Variants in WDFY3 observed in about 807,000 individuals in gnomAD.
The protein encoded by WDFY3 is WD repeat and FYVE domain-containing protein 3.
In WDFY3, 66 loss-of-function variants were observed where a neutral mutation model predicts 409.6. That is an observed-to-expected ratio of 0.16 (90% CI 0.13 to 0.20). WDFY3 has a LOEUF of 0.20. Among genes scored for constraint, WDFY3 ranks in the 10% least tolerant of loss-of-function variants. WDFY3 has a pLI of 1.00. For missense variants in WDFY3, 3,031 were observed against 4,298.1 expected, an observed-to-expected ratio of 0.71 and a Z score of 8.24; for synonymous variants, 1,521 against 1,537.1, an observed-to-expected ratio of 0.99 and a Z score of 0.25.
In WDFY3 at chr4:84,794,694, G is replaced by A. The variant is rs1275621159; in HGVS notation, c.3312C>T (p.Ser1104=). Residue 1104 remains serine (S), a synonymous_variant, in exon 21 of 68, where the codon AGC becomes AGT. Transcript: ENST00000295888. ...AACTAAAATGTTCAATACAAAACCA[G>A]CTAGAGTAACTTAAGCCGGAGGGAG... ...FPPPSGLSYS[S]WFCIEHFSSP... The A allele has an allele frequency of 2.5e-6, 4 of 1,613,724 alleles. No homozygotes were observed. In the East Asian group the frequency reaches 8.9e-5, roughly 36 times the overall value.
intron 67 of WDFY3, among the ~76,000 whole-genome samples, chr4:84,674,873 A>G (rs1004033298): frequency 6.6e-6 from 1 of 151,808 alleles, no homozygotes; most frequent in Non-Finnish European, 1.5e-5. Flanking sequence ...GTCTCAAAAA[A>G]AATAAAAATA....
intron 3 of WDFY3, among the ~76,000 whole-genome samples, chr4:84,877,452 G>C (rs1002260626): frequency 1.3e-5 from 2 of 151,958 alleles, no homozygotes; most frequent in Admixed American, 1.3e-4. Flanking sequence ...TCCCACCTCA[G>C]ACTCCCAGCT....
At chr4:84,796,844 TC>T in intron 18 of WDFY3, 92 bp from the exon 19 acceptor site, 1 of 1,035,028 alleles carries the variant, frequency 9.7e-7, no homozygotes, top group Non-Finnish European at 1.4e-6. Flanking sequence ...CACTTCAGTT[TC>T]AATAGACAAT....
chr4:84,754,088 T>C (rs1294970296), intron 34 of WDFY3, among the ~76,000 whole-genome samples: 1 of 152,084 alleles, frequency 6.6e-6, no homozygotes, highest in Non-Finnish European at 1.5e-5. Flanking sequence ...TAGAAACTGA[T>C]AGGATCATTG....
chr4:84,779,255 C>T (rs1356796067), intron 26 of WDFY3, among the ~76,000 whole-genome samples: 1 of 152,092 alleles, frequency 6.6e-6, no homozygotes, highest in Non-Finnish European at 1.5e-5. Context: ...ATAATTAAAT[C>T]TATACAACAC....
rs1421774680 is a variant in WDFY3, at chr4:84,670,393, T to C, written c.*2475A>G. 2 of 152,630 alleles carry C rather than the reference T, an allele frequency of 1.3e-5. No individual in the cohort carries two copies. The highest frequency in any genetic ancestry group is 2.4e-5 in the African/African-American group (1 of 41,456). The allele number at this position is 152,630 out of a possible 1,614,324, so 9.5% of individuals were successfully genotyped here. A position where few individuals can be genotyped will look rare whatever the true frequency, so the allele number is the denominator to read the frequency against. ...GAAATAATTAGTTTATGTATGTGAG[T>C]GTACTTGTATGTGTGAGTGATTCTG... is the stretch of plus-strand genomic sequence containing the variant. On this transcript the variant is annotated 3_prime_UTR_variant, in exon 68 of 68. Coordinates refer to ENST00000295888, the MANE Select transcript of WDFY3 (RefSeq NM_014991.6).
At chr4:84,765,592 C>T (rs1743491606) in intron 32 of WDFY3, among the ~76,000 whole-genome samples, 1 of 152,086 alleles carries the variant, frequency 6.6e-6, no homozygotes, top group Admixed American at 6.6e-5. Context: ...GAGGAATTCC[C>T]TGAGTTTTCA....
intron 3 of WDFY3, among the ~76,000 whole-genome samples, chr4:84,868,439 T>G (rs1042148451): frequency 3.9e-5 from 6 of 152,044 alleles, no homozygotes; most frequent in Non-Finnish European, 5.9e-5. Context: ...AATTTAAAAT[T>G]TCTACCTTCT....
At chr4:84,824,969 G>C (rs1284417561) in intron 10 of WDFY3, among the ~76,000 whole-genome samples, 2 of 152,098 alleles carry the variant, frequency 1.3e-5, no homozygotes, top group Non-Finnish European at 2.9e-5. Flanking sequence ...GTTTAGAAAA[G>C]TTAGGTCACT....
rs564386745 is a variant in WDFY3, at chr4:84,717,120, G to A, written c.7755-104C>T. ...TTAAACACATGAACAGGATGGAGGAGTAATATATATCAGAATTTTCAGTTA... is the reference window on the plus strand; with the variant it reads ...TTAAACACATGAACAGGATGGAGGAATAATATATATCAGAATTTTCAGTTA... On this transcript the variant is annotated intron_variant, in intron 48 of 67. Transcript: ENST00000295888. The A allele has an allele frequency of 3.9e-5, 48 of 1,223,576 alleles. No homozygotes were observed. In the South Asian group the frequency reaches 1.2e-3, roughly 29 times the overall value. The allele number at this position is 1,223,576 out of a possible 1,614,324, so 75.8% of individuals were successfully genotyped here.
Position 84,743,942 on chromosome 4 carries a change from C to T in WDFY3, c.5974-143G>A, listed in dbSNP as rs1738885588. 2.2e-5 allele frequency: 9 copies of T among 410,842 alleles called. No individual in the cohort carries two copies. The South Asian group carries it at 6.2e-4, about 28-fold the overall frequency. The allele number at this position is 410,842 out of a possible 1,614,324, so 25.4% of individuals were successfully genotyped here. The stretch of plus-strand genomic sequence containing the variant: ...TTTAAATGCCATGAGAGATGGTATA[C>T]ATGCTATGCTTATGGTCTTTCACGT... On this transcript the variant is annotated intron_variant, in intron 36 of 67. Transcript: ENST00000295888.
chr4:84,925,560 A>AATAAGCAAAT (rs1412360856), intron 2 of WDFY3, among the ~76,000 whole-genome samples: 6 of 152,248 alleles, frequency 3.9e-5, no homozygotes, highest in African/African-American at 1.4e-4. Flanking sequence ...AAGAATAAAC[A>AATAAGCAAAT]GCACATAAGC....
At position 84,801,726 on chromosome 4, in the gene WDFY3, C is replaced by G; in HGVS notation, c.2746G>C (p.Asp916His). 1.9e-6 allele frequency: 3 copies of G among 1,613,094 alleles called. No individual in the cohort carries two copies. The highest frequency in any genetic ancestry group is 2.5e-6 in the Non-Finnish European group (3 of 1,179,940). Residue 916 changes from aspartate to histidine, a missense_variant, in exon 17 of 68, where the codon GAC becomes CAC. Transcript: ENST00000295888. ...TGCAGGGGCGGGTGCAGTGAGTGGT[C>G]CTCATCAGCCAATGCAGCACTGCAC... ...QRCSAALADE[D>H]HSLHPPLQRM...
At chr4:84,758,691 G>A (rs544186065) in intron 32 of WDFY3, among the ~76,000 whole-genome samples, 34 of 152,050 alleles carry the variant, frequency 2.2e-4, no homozygotes, top group Non-Finnish European at 4.1e-4. Flanking sequence ...TCAGTGTGAC[G>A]TGATTAACTC....
chr4:84,795,284 A>G (rs1749198946), intron 19 of WDFY3, among the ~76,000 whole-genome samples: 1 of 152,210 alleles, frequency 6.6e-6, no homozygotes, highest in Non-Finnish European at 1.5e-5. Context: ...CAATTTCATC[A>G]CTGAAGGAAA....
intron 65 of WDFY3, 134 bp downstream of exon 65, chr4:84,678,785 A>C (rs535071239): frequency 5.8e-5 from 55 of 950,182 alleles, no homozygotes; most frequent in Admixed American, 2.5e-4. Context: ...GTAAAGAGGC[A>C]TTCTGTGTGA....
chr4:84,814,912 TG>T (rs1290370496), intron 13 of WDFY3, among the ~76,000 whole-genome samples: 1 of 152,064 alleles, frequency 6.6e-6, no homozygotes, highest in African/African-American at 2.4e-5. Flanking sequence ...CCCGAAGATA[TG>T]GGGGGACTAC....
At chr4:84,683,204 T>C (rs1037601826) in intron 63 of WDFY3, among the ~76,000 whole-genome samples, 13 of 152,244 alleles carry the variant, frequency 8.5e-5, no homozygotes, top group Middle Eastern at 3.4e-3. Context: ...GTGTGTGTGT[T>C]TGTGAGTTTT....
At chr4:84,955,215 A>C (rs1032935979) in intron 1 of WDFY3, among the ~76,000 whole-genome samples, 14 of 151,754 alleles carry the variant, frequency 9.2e-5, no homozygotes, top group African/African-American at 3.2e-4. Flanking sequence ...AAAAAAAAAA[A>C]CAAAAAGGGA....
Sources: allele counts gnomAD v4.1 joint callset (sites outside exome capture counted in the v4.1 genomes callset), GRCh38; gene constraint gnomAD v4.1.1; transcripts MANE v1.5; gene names NCBI Gene and HGNC (gene_info 2026-07-23, HGNC 2026-07-21).